Variants in LDLRAD4 observed in about 807,000 individuals in gnomAD.
The protein encoded by LDLRAD4 is low-density lipoprotein receptor class A domain-containing protein 4.
In LDLRAD4, 5 loss-of-function variants were observed where a neutral mutation model predicts 17.0. The ratio of observed to expected loss-of-function variants is 0.29; its 90% confidence interval spans 0.15 to 0.62. The LOEUF (loss-of-function observed/expected upper bound fraction) is 0.62. Ranked by LOEUF, LDLRAD4 falls within the 20% of genes least tolerant of loss-of-function variation. The pLI, the probability that LDLRAD4 is intolerant of heterozygous loss-of-function variation, is 0.84. For synonymous variants in LDLRAD4, 168 were observed against 171.8 expected, an observed-to-expected ratio of 0.98 and a Z score of 0.17; for missense variants, 340 against 424.7, an observed-to-expected ratio of 0.80 and a Z score of 1.75.
chr18:13,512,570 T>C (rs2093799037), intron 3 of LDLRAD4, among the ~76,000 whole-genome samples: 1 of 152,240 alleles, frequency 6.6e-6, no homozygotes, highest in Non-Finnish European at 1.5e-5. Context: ...CTTAGATTCA[T>C]TGAGTAATTT....
chr18:13,422,777 C>T (rs367892086), intron 2 of LDLRAD4, among the ~76,000 whole-genome samples: 4 of 152,234 alleles, frequency 2.6e-5, no homozygotes, highest in Non-Finnish European at 5.9e-5. Flanking sequence ...TGCATATCTC[C>T]AGCAACAGAT....
chr18:13,588,774 C>A (rs977234679), intron 3 of LDLRAD4, among the ~76,000 whole-genome samples: 13 of 152,258 alleles, frequency 8.5e-5, no homozygotes, highest in African/African-American at 2.9e-4. Flanking sequence ...TTGAAACTAT[C>A]TTGACCTTGT....
At chr18:13,305,929 A>C (rs2046887935) in intron 1 of LDLRAD4, among the ~76,000 whole-genome samples, 1 of 152,240 alleles carries the variant, frequency 6.6e-6, no homozygotes, top group African/African-American at 2.4e-5. Context: ...AAGTCGTTAT[A>C]TGACAAAGCA....
chr18:13,642,495 A>AG lies in LDLRAD4; in HGVS notation c.337-862dup, dbSNP rs531102883. On this transcript the variant is annotated intron_variant, in intron 4 of 5. Transcript: ENST00000359446. The stretch of plus-strand genomic sequence containing the variant: ...CAATCTGGCCAAACGTTTTTGAAAA[A>AG]GGATGCTAACTCACCAGATGTGAAG... 7.2e-3 allele frequency: 8,806 copies of AG among 1,217,832 alleles called. 36 individuals carry two copies. Among genetic ancestry groups the AG allele is most frequent in the South Asian group, 0.013 (315 of 23,372 alleles). 75.4% of individuals were successfully genotyped at this position (1,217,832 alleles called of 1,614,324 possible). A position where few individuals can be genotyped will look rare whatever the true frequency, so the allele number is the denominator to read the frequency against.
chr18:13,500,334 G>A (rs899429741), intron 3 of LDLRAD4, among the ~76,000 whole-genome samples: 3 of 152,206 alleles, frequency 2.0e-5, no homozygotes, highest in Non-Finnish European at 4.4e-5. Flanking sequence ...TGCCCGTGGG[G>A]CTGTGCGGGA....
Position 13,621,347 on chromosome 18 carries a change from C to T in LDLRAD4, c.336+76C>T, listed in dbSNP as rs928829825. 34 of 1,186,200 alleles carry T rather than the reference C, an allele frequency of 2.9e-5. No individual in the cohort carries two copies. Among genetic ancestry groups the T allele is most frequent in the African/African-American group, 4.5e-5 (3 of 66,490 alleles). 73.5% of individuals were successfully genotyped at this position (1,186,200 alleles called of 1,614,324 possible). A position where few individuals can be genotyped will look rare whatever the true frequency, so the allele number is the denominator to read the frequency against. On this transcript the variant is annotated intron_variant, in intron 4 of 5. Coordinates refer to ENST00000359446, the Ensembl canonical transcript of LDLRAD4. The surrounding 1 kb of genome is among the most constrained non-coding windows in gnomAD (Gnocchi z 5.5). ...TAGGAGCCCATCAGGGTTCAGAGGC[C>T]GGGAGTGCTTTCAGTTGACATGTAA...
At chr18:13,307,898 AT>A (rs1567989930) in intron 1 of LDLRAD4, among the ~76,000 whole-genome samples, 2 of 152,166 alleles carry the variant, frequency 1.3e-5, no homozygotes, top group African/African-American at 4.8e-5. Flanking sequence ...CTATACTTGG[AT>A]TTTTGACCGT....
At chr18:13,273,067 G>A (rs1367008437) in intron 1 of LDLRAD4, among the ~76,000 whole-genome samples, 1 of 152,220 alleles carries the variant, frequency 6.6e-6, no homozygotes, top group Non-Finnish European at 1.5e-5. Context: ...ATGCACACGT[G>A]CATTTTATGA....
chr18:13,641,510 A>G (rs1003355359), intron 4 of LDLRAD4, among the ~76,000 whole-genome samples: 2 of 152,264 alleles, frequency 1.3e-5, no homozygotes, highest in Non-Finnish European at 1.5e-5. Context: ...CCTTGCATTC[A>G]GGCAAGCCAC....
chr18:13,413,909 A>C (rs564422436), intron 2 of LDLRAD4, among the ~76,000 whole-genome samples: 3 of 152,246 alleles, frequency 2.0e-5, no homozygotes, highest in East Asian at 1.9e-4. Flanking sequence ...ATTAAAAAAA[A>C]AAAATTTTTT....
At chr18:13,600,459 CTCCT>C in intron 3 of LDLRAD4, among the ~76,000 whole-genome samples, 1 of 152,166 alleles carries the variant, frequency 6.6e-6, no homozygotes, top group South Asian at 2.1e-4. Flanking sequence ...GACCCTGGGT[CTCCT>C]GACCAGCATC....
chr18:13,631,740 C>T (rs2041678180), intron 4 of LDLRAD4, among the ~76,000 whole-genome samples: 1 of 152,000 alleles, frequency 6.6e-6, no homozygotes, highest in African/African-American at 2.4e-5. Flanking sequence ...CCAGCCTGGC[C>T]AACATGGTGA....
chr18:13,496,681 ATCAGAG>A (rs1333829487), intron 3 of LDLRAD4, among the ~76,000 whole-genome samples: 1 of 152,240 alleles, frequency 6.6e-6, no homozygotes, highest in Non-Finnish European at 1.5e-5. Flanking sequence ...TGGTTCTGGT[ATCAGAG>A]TCAAAGTCCC....
chr18:13,594,142 G>A (rs937315742), intron 3 of LDLRAD4, among the ~76,000 whole-genome samples: 2 of 152,162 alleles, frequency 1.3e-5, no homozygotes, highest in African/African-American at 4.8e-5. Flanking sequence ...TGGGGCTGGT[G>A]TCTCCAGAGT....
At chr18:13,391,926 T>C (rs2086303466) in intron 2 of LDLRAD4, among the ~76,000 whole-genome samples, 1 of 152,252 alleles carries the variant, frequency 6.6e-6, no homozygotes, top group Non-Finnish European at 1.5e-5. Flanking sequence ...TAAAATTGTG[T>C]TCCTGTTGTT....
chr18:13,246,347 C>A (rs2042954304), intron 1 of LDLRAD4, among the ~76,000 whole-genome samples: 1 of 152,232 alleles, frequency 6.6e-6, no homozygotes, highest in African/African-American at 2.4e-5. Flanking sequence ...TGGTGATGTG[C>A]ATTCTGGTGC....
intron 3 of LDLRAD4, among the ~76,000 whole-genome samples, chr18:13,603,925 A>G (rs917387373): frequency 7.9e-5 from 12 of 152,366 alleles, no homozygotes; most frequent in Non-Finnish European, 1.6e-4. Context: ...TGCTGCCTGC[A>G]GCCCTGGAGC....
intron 1 of LDLRAD4, among the ~76,000 whole-genome samples, chr18:13,260,518 C>T (rs181441008): frequency 1.3e-5 from 2 of 152,172 alleles, no homozygotes; most frequent in African/African-American, 4.8e-5. Flanking sequence ...GTGAACTTGG[C>T]AAAATTTGCT....
At chr18:13,452,376 G>A (rs2091891592) in intron 3 of LDLRAD4, among the ~76,000 whole-genome samples, 1 of 152,130 alleles carries the variant, frequency 6.6e-6, no homozygotes, top group Non-Finnish European at 1.5e-5. Context: ...AGGGGGGCGA[G>A]GAGGAGTCTG....
Sources: gnomAD v4.1 joint callset for allele counts (sites outside exome capture counted in the v4.1 genomes callset) on GRCh38, gnomAD v4.1.1 for gene constraint, Gnocchi (gnomAD v3.1) non-coding constraint, MANE v1.5 for transcripts, NCBI Gene and HGNC (gene_info 2026-07-23, HGNC 2026-07-21) for gene names.